Variants in ENTREP1 observed in about 807,000 individuals in gnomAD.
The protein encoded by ENTREP1 is endosomal transmembrane epsin interactor 1, also known as Friedreich ataxia region gene X123.
the ENTREP1 span, among the ~76,000 whole-genome samples, chr9:69,370,600 G>A: frequency 3.9e-5 from 6 of 152,146 alleles, no homozygotes; most frequent in African/African-American, 1.4e-4. Context: ...AGGTAAAGTG[G>A]CATCATGTGA....
At chr9:69,359,186 G>A in the ENTREP1 span, among the ~76,000 whole-genome samples, 1 of 152,048 alleles carries the variant, frequency 6.6e-6, no homozygotes, top group Admixed American at 6.6e-5. Context: ...GATTACAGAC[G>A]TGAGCCACTG....
chr9:69,371,080 G>A, the ENTREP1 span, among the ~76,000 whole-genome samples: 1 of 152,136 alleles, frequency 6.6e-6, no homozygotes, highest in South Asian at 2.1e-4. Context: ...TTTCTGGATA[G>A]TAAAGGCTCT....
the ENTREP1 span, among the ~76,000 whole-genome samples, chr9:69,348,415 C>A: frequency 6.6e-6 from 1 of 152,278 alleles, no homozygotes; most frequent in African/African-American, 2.4e-5. Flanking sequence ...CCACAATACC[C>A]AAGCCTGCTG....
At chr9:69,364,137 C>A in the ENTREP1 span, among the ~76,000 whole-genome samples, 1 of 152,020 alleles carries the variant, frequency 6.6e-6, no homozygotes, top group Non-Finnish European at 1.5e-5. Context: ...GAGGAAATAC[C>A]CAGTAATAAT....
the ENTREP1 span, among the ~76,000 whole-genome samples, chr9:69,385,193 T>C: frequency 6.6e-6 from 1 of 152,190 alleles, no homozygotes; most frequent in East Asian, 1.9e-4. Context: ...AGTGCTGGGA[T>C]TACAGGCATG....
At chr9:69,324,964 C>A in the ENTREP1 span, 5 of 985,186 alleles carry the variant, frequency 5.1e-6, no homozygotes, top group Non-Finnish European at 6.0e-6. Flanking sequence ...GCAGGGCACC[C>A]TCCCAGGACC....
the ENTREP1 span, among the ~76,000 whole-genome samples, chr9:69,371,017 A>C: frequency 4.6e-5 from 7 of 152,302 alleles, no homozygotes; most frequent in Non-Finnish European, 1.0e-4. Context: ...TAGTACCTAA[A>C]GTGTTCAGAA....
chr9:69,325,821 C>T, the ENTREP1 span: 7 of 1,207,232 alleles, frequency 5.8e-6, no homozygotes, highest in Non-Finnish European at 7.2e-6. Flanking sequence ...TCCAGGGCTG[C>T]AGTTGGGGGA....
At chr9:69,380,306 C>G in the ENTREP1 span, 1 of 152,230 alleles carries the variant, frequency 6.6e-6, no homozygotes, top group South Asian at 2.1e-4. Context: ...TTTCTAGATT[C>G]ACGGTATAAA....
the ENTREP1 span, among the ~76,000 whole-genome samples, chr9:69,331,516 T>C: frequency 2.0e-5 from 3 of 152,178 alleles, no homozygotes; most frequent in African/African-American, 7.2e-5. Flanking sequence ...GAAACAAAAA[T>C]TGTAATACCT....
the ENTREP1 span, among the ~76,000 whole-genome samples, chr9:69,342,523 A>G: frequency 1.7e-3 from 255 of 152,296 alleles, 2 homozygotes; most frequent in South Asian, 3.5e-3. Context: ...TGTTTTGGGA[A>G]TTTTATCTTT....
the ENTREP1 span, chr9:69,382,029 T>G: frequency 6.6e-6 from 1 of 152,476 alleles, no homozygotes; most frequent in African/African-American, 2.4e-5. Flanking sequence ...ATAGAAACTT[T>G]CCAGGCAGGG....
chr9:69,325,825 TG>T, the ENTREP1 span: 14 of 1,206,590 alleles, frequency 1.2e-5, no homozygotes, highest in Non-Finnish European at 1.3e-5. Flanking sequence ...GGGCTGCAGT[TG>T]GGGGAGCCTC....
the ENTREP1 span, chr9:69,381,218 A>G: frequency 6.6e-6 from 1 of 152,160 alleles, no homozygotes; most frequent in Non-Finnish European, 1.5e-5. Flanking sequence ...CAGGCTCTAG[A>G]GTCTCTGCAG....
chr9:69,344,171 G>A, the ENTREP1 span, among the ~76,000 whole-genome samples: 1 of 152,186 alleles, frequency 6.6e-6, no homozygotes, highest in Admixed American at 6.5e-5. Flanking sequence ...ATGATTTGGG[G>A]CAAGAGGGGA....
the ENTREP1 span, among the ~76,000 whole-genome samples, chr9:69,359,401 G>A: frequency 2.0e-5 from 3 of 152,168 alleles, no homozygotes; most frequent in Admixed American, 6.5e-5. Flanking sequence ...TAATCCCCAC[G>A]TGTCAAGGGA....
At chr9:69,358,658 T>C in the ENTREP1 span, among the ~76,000 whole-genome samples, 50 of 152,322 alleles carry the variant, frequency 3.3e-4, no homozygotes, top group African/African-American at 1.2e-3. Flanking sequence ...TTAGCACCTT[T>C]TGAAGTAAAA....
the ENTREP1 span, among the ~76,000 whole-genome samples, chr9:69,367,114 G>A: frequency 3.6e-5 from 2 of 56,334 alleles, no homozygotes; most frequent in Non-Finnish European, 7.7e-5. Flanking sequence ...TTTTTTTTTT[G>A]TAGAGACAAG....
chr9:69,378,509 TGTAATCCCAG>T, the ENTREP1 span, among the ~76,000 whole-genome samples: 1 of 152,126 alleles, frequency 6.6e-6, no homozygotes, highest in Non-Finnish European at 1.5e-5. Flanking sequence ...GGCTCACACC[TGTAATCCCAG>T]CACTTTGGGA....
Sources: gnomAD v4.1 joint callset for allele counts (sites outside exome capture counted in the v4.1 genomes callset) on GRCh38, gnomAD v4.1.1 for gene constraint, MANE v1.5 for transcripts, NCBI Gene and HGNC (gene_info 2026-07-23, HGNC 2026-07-21) for gene names.